The following IFFO2 variants were observed in gnomAD, a reference collection of about 807,000 sequenced individuals.
IFFO2 encodes intermediate filament family orphan 2.
In IFFO2, 19 loss-of-function variants were observed where a neutral mutation model predicts 53.5. That is an observed-to-expected ratio of 0.36 (90% CI 0.25 to 0.52). The LOEUF is 0.52. IFFO2 is among the 20% of genes least tolerant of loss of function. IFFO2 has a pLI of 0.94. For missense variants in IFFO2, 570 were observed against 727.4 expected, an observed-to-expected ratio of 0.78 and a Z score of 2.49; for synonymous variants, 303 against 313.6, an observed-to-expected ratio of 0.97 and a Z score of 0.36.
chr1:18,906,351 A>G lies in IFFO2; in HGVS notation c.*2210T>C, dbSNP rs1014202118. On this transcript the variant is annotated 3_prime_UTR_variant, in exon 9 of 9. Coordinates refer to ENST00000455833, the MANE Select transcript of IFFO2 (RefSeq NM_001136265.2). ...AACCACAGTAACCTTAGTTACTCCC[A>G]TGCTAACACTGCTGCCTTACAGTCT... The G allele has an allele frequency of 4.6e-5, 7 of 152,204 alleles. No individual in the cohort carries two copies. Among genetic ancestry groups the G allele is most frequent in the African/African-American group, 1.4e-4 (6 of 41,446 alleles). 9.4% of individuals were successfully genotyped at this position (152,204 alleles called of 1,614,324 possible).
chr1:18,922,799 A>C, intron 1 of IFFO2, among the ~76,000 whole-genome samples: 1 of 152,088 alleles, frequency 6.6e-6, no homozygotes, highest in East Asian at 1.9e-4. Flanking sequence ...GGGGCAACTG[A>C]AGCCGAGTGG....
chr1:18,918,272 G>C lies in IFFO2; in HGVS notation c.963+90C>G, dbSNP rs1936164035. ...AAGGGGAGGGAGTGAGTGGGATGTGGAGGCAAACGGGTTGGCCGGGCAGGG... is the reference window on the plus strand; with the variant it reads ...AAGGGGAGGGAGTGAGTGGGATGTGCAGGCAAACGGGTTGGCCGGGCAGGG... On this transcript the variant is annotated intron_variant, in intron 4 of 8. Coordinates refer to ENST00000455833, the MANE Select transcript of IFFO2 (RefSeq NM_001136265.2). The surrounding 1 kb of genome is among the most constrained non-coding windows in gnomAD (Gnocchi z 5.2). The C allele has an allele frequency of 3.1e-6, 4 of 1,306,206 alleles. No individual in the cohort carries two copies. Among genetic ancestry groups the C allele is most frequent in the Non-Finnish European group, 4.3e-6 (4 of 939,414 alleles). 80.9% of individuals were successfully genotyped at this position (1,306,206 alleles called of 1,614,324 possible). A position where few individuals can be genotyped will look rare whatever the true frequency, so the allele number is the denominator to read the frequency against.
At chr1:18,911,284 C>A in intron 7 of IFFO2, 100 bp downstream of exon 7, 1 of 545,992 alleles carries the variant, frequency 1.8e-6, no homozygotes, top group East Asian at 3.5e-5. Flanking sequence ...CCCACTCTAC[C>A]AGCCCCTGCC....
intron 5 of IFFO2, among the ~76,000 whole-genome samples, chr1:18,915,083 G>A (rs1269272294): frequency 6.6e-6 from 1 of 152,172 alleles, no homozygotes; most frequent in African/African-American, 2.4e-5. Flanking sequence ...CTAGAATAGG[G>A]ACAGAAGAGA....
rs1936021503 is a variant in IFFO2 at position 18,910,544 on chromosome 1, TC to T, written c.1318-73del. ...TGACAGAAGCCTCGGCAACCTCTCC[TC>T]CTGGATTCCTCAGGGATGGTGCCAT... On this transcript the variant is annotated intron_variant, in intron 7 of 8. Transcript: ENST00000455833. The T allele has an allele frequency of 5.9e-6, 9 of 1,527,200 alleles. No homozygotes were observed. The South Asian group carries it at 7.2e-5, about 12-fold the overall frequency. 94.6% of individuals were successfully genotyped at this position (1,527,200 alleles called of 1,614,324 possible). A position where few individuals can be genotyped will look rare whatever the true frequency, so the allele number is the denominator to read the frequency against.
At chr1:18,929,737 G>A (rs993258458) in intron 1 of IFFO2, among the ~76,000 whole-genome samples, 1 of 152,130 alleles carries the variant, frequency 6.6e-6, no homozygotes, top group Non-Finnish European at 1.5e-5. Flanking sequence ...ACCCCTTCAG[G>A]CAACGAGGCA....
At position 18,907,479 on chromosome 1, in the gene IFFO2, G is replaced by A. The variant is rs750669748; in HGVS notation, c.*1082C>T. Reference sequence around the variant, plus strand: ...GGACAGTCCTAACCCAAGGCGGGTAGAAGGGAGCAGAGACCAGGCCTGGCC... The same window carrying A: ...GGACAGTCCTAACCCAAGGCGGGTAAAAGGGAGCAGAGACCAGGCCTGGCC... On this transcript the variant is annotated 3_prime_UTR_variant, in exon 9 of 9. Transcript: ENST00000455833. The A allele has an allele frequency of 5.3e-5, 8 of 152,348 alleles. No individual in the cohort carries two copies. The highest frequency in any genetic ancestry group is 1.0e-4 in the Non-Finnish European group (7 of 68,108). 9.4% of individuals were successfully genotyped at this position (152,348 alleles called of 1,614,324 possible).
chr1:18,908,204 T>G lies in IFFO2; in HGVS notation c.*357A>C. 3.9e-6 allele frequency: 1 copy of G among 258,808 alleles called. No individual in the cohort carries two copies. The highest frequency in any genetic ancestry group is 2.2e-5 in the African/African-American group (1 of 45,724). 16.0% of individuals were successfully genotyped at this position (258,808 alleles called of 1,614,324 possible). On this transcript the variant is annotated 3_prime_UTR_variant, in exon 9 of 9. Coordinates refer to ENST00000455833, the MANE Select transcript of IFFO2 (RefSeq NM_001136265.2). ...GGTTGGCCCGGCCCTCAGCTTAGAGTTCTGTATAAAAACACCTGCTAGGAA... is the reference window on the plus strand; with the variant it reads ...GGTTGGCCCGGCCCTCAGCTTAGAGGTCTGTATAAAAACACCTGCTAGGAA...
At chr1:18,942,025 C>T (rs748310003) in intron 1 of IFFO2, among the ~76,000 whole-genome samples, 5 of 152,232 alleles carry the variant, frequency 3.3e-5, no homozygotes, top group Admixed American at 6.5e-5. Flanking sequence ...GCTGCCCAGG[C>T]GGCTCTACCG....
At position 18,940,526 on chromosome 1, in the gene IFFO2, G is replaced by C. The variant is rs541558024; in HGVS notation, c.665+15142C>G. On this transcript the variant is annotated intron_variant, in intron 1 of 8. Transcript: ENST00000455833. ...CATAGGGACTGAGCACCGTGGCCCA[G>C]AAAAGGATGGATGGATGGACAGACT... Among the ~76,000 whole-genome samples the C allele has an allele frequency of 2.2e-4, 34 of 151,498 alleles. No individual in the cohort carries two copies. In the East Asian group the frequency reaches 6.4e-3, roughly 29 times the overall value.
At chr1:18,949,861 GTCT>G (rs1936637490) in intron 1 of IFFO2, among the ~76,000 whole-genome samples, 1 of 152,346 alleles carries the variant, frequency 6.6e-6, no homozygotes, top group African/African-American at 2.4e-5. Context: ...CCCGCATCCG[GTCT>G]CGTTTGCCAA....
chr1:18,914,032 C>G (rs6426788), intron 5 of IFFO2, among the ~76,000 whole-genome samples: 2 of 151,986 alleles, frequency 1.3e-5, no homozygotes, highest in Non-Finnish European at 2.9e-5. Context: ...AGCGTTTCAC[C>G]GTGTTAGCCA....
At chr1:18,948,332 T>C (rs1402366574) in intron 1 of IFFO2, among the ~76,000 whole-genome samples, 2 of 152,218 alleles carry the variant, frequency 1.3e-5, no homozygotes, top group Non-Finnish European at 2.9e-5. Flanking sequence ...AGAGTTGTGC[T>C]ACATTACGGA....
Position 18,954,469 on chromosome 1 carries a change from C to G in IFFO2, c.665+1199G>C, listed in dbSNP as rs114987313. Among the ~76,000 whole-genome samples, 292 of 152,350 alleles carry G rather than the reference C, an allele frequency of 1.9e-3. 2 individuals are homozygous for G. Among genetic ancestry groups the G allele is most frequent in the African/African-American group, 6.8e-3 (282 of 41,584 alleles). On this transcript the variant is annotated intron_variant, in intron 1 of 8. Transcript: ENST00000455833. ...AATACGGAAGGAGACCTATGCCCAG[C>G]TCCCTGGACAGACCTTTAGAGATGG...
chr1:18,954,715 G>A (rs577823988), intron 1 of IFFO2, among the ~76,000 whole-genome samples: 3 of 152,334 alleles, frequency 2.0e-5, no homozygotes, highest in African/African-American at 7.2e-5. Context: ...AGACAGTATT[G>A]TCGGCCAGAC....
chr1:18,930,753 G>A lies in IFFO2; in HGVS notation c.666-9632C>T, dbSNP rs537438753. Among the ~76,000 whole-genome samples the A allele has an allele frequency of 3.7e-4, 57 of 152,298 alleles. 2 individuals carry two copies. The South Asian group carries it at 0.012, about 31-fold the overall frequency. On this transcript the variant is annotated intron_variant, in intron 1 of 8. Transcript: ENST00000455833. ...GCAACATGGGGCCCAGGGAACCCCC[G>A]GGTCACCTGCCCCAATGCCAATCTG...
chr1:18,932,044 C>T (rs926325024), intron 1 of IFFO2, among the ~76,000 whole-genome samples: 1 of 152,184 alleles, frequency 6.6e-6, no homozygotes, highest in Non-Finnish European at 1.5e-5. Context: ...GAGCTGGGGC[C>T]GGCACGTGGT....
Position 18,905,504 on chromosome 1 carries a change from C to G in IFFO2, c.*3057G>C, listed in dbSNP as rs183616429. ...CTTATATTCTCCCCCACCCCACCCC[C>G]TCTCCTCCCACTCCAAGCTTAAGTG... On this transcript the variant is annotated 3_prime_UTR_variant, in exon 9 of 9. Coordinates refer to ENST00000455833, the MANE Select transcript of IFFO2 (RefSeq NM_001136265.2). The G allele has an allele frequency of 6.6e-6, 1 of 152,166 alleles. No homozygotes were observed. Among genetic ancestry groups the G allele is most frequent in the South Asian group, 2.1e-4 (1 of 4,826 alleles). The allele number at this position is 152,166 out of a possible 1,614,324, so 9.4% of individuals were successfully genotyped here.
At chr1:18,934,057 CTTTTTTT>C (rs71577808) in intron 1 of IFFO2, among the ~76,000 whole-genome samples, 14 of 70,326 alleles carry the variant, frequency 2.0e-4, no homozygotes, top group South Asian at 5.2e-4. Context: ...TCTCTTATTT[CTTTTTTT>C]TTTTTTTTTT....
Sources: allele counts gnomAD v4.1 joint callset (sites outside exome capture counted in the v4.1 genomes callset), GRCh38; gene constraint gnomAD v4.1.1; non-coding constraint Gnocchi (gnomAD v3.1); transcripts MANE v1.5; gene names NCBI Gene and HGNC (gene_info 2026-07-23, HGNC 2026-07-21).